ORC4: variants seen among roughly 807,000 people sequenced by gnomAD.
The protein encoded by ORC4 is origin recognition complex, subunit 4 homolog.
ORC4 carries 55 observed loss-of-function variants against 63.9 expected under a neutral mutation model. The ratio of observed to expected loss-of-function variants is 0.86; its 90% CI spans 0.69 to 1.08. The LOEUF (loss-of-function observed/expected upper bound fraction) is 1.08. Ranked by LOEUF, ORC4 falls within the 50% of genes least tolerant of loss-of-function variation. ORC4 has a pLI of 0.00. For synonymous variants in ORC4, 150 were observed against 168.5 expected (o/e 0.89, Z 0.85); for missense variants, 511 against 504.4 (o/e 1.01, Z -0.13).
intron 1 of ORC4, among the ~76,000 whole-genome samples, chr2:147,976,560 T>C (rs1317739649): frequency 6.6e-6 from 1 of 152,086 alleles, no homozygotes; most frequent in Non-Finnish European, 1.5e-5. Context: ...TCACCTTCCC[T>C]TTCTTCCTTT....
rs200141046 is a variant in ORC4 at position 147,935,712 on chromosome 2, G to T, written c.1123-14C>A. On this transcript the variant is annotated splice_polypyrimidine_tract_variant and intron_variant, in intron 13 of 13. Transcript: ENST00000392857. ...GTGTTCAAAAGCCTGAAAGATGAAA[G>T]AAATAGTTTAGGTTGAATAGGAGAG... is the stretch of plus-strand genomic sequence containing the variant. 818 of 1,607,474 alleles carry T rather than the reference G, an allele frequency of 5.1e-4. 4 individuals are homozygous for T. In the African/African-American group the frequency reaches 9.1e-3, roughly 18 times the overall value.
intron 1 of ORC4, among the ~76,000 whole-genome samples, chr2:147,986,974 C>T (rs972876750): frequency 1.3e-5 from 2 of 151,998 alleles, no homozygotes; most frequent in Non-Finnish European, 2.9e-5. Flanking sequence ...TAATTTCATT[C>T]TTCAGAGTAG....
intron 11 of ORC4, 24 bp from the exon 12 acceptor site, chr2:147,938,417 T>A (rs373470815): frequency 3.8e-6 from 5 of 1,311,258 alleles, no homozygotes; most frequent in Non-Finnish European, 5.5e-6. Context: ...GAAAAAAAAC[T>A]ATCAGTTTAA....
intron 1 of ORC4, among the ~76,000 whole-genome samples, chr2:147,990,386 CT>C (rs1168733463): frequency 6.6e-6 from 1 of 152,250 alleles, no homozygotes; most frequent in Non-Finnish European, 1.5e-5. Context: ...AGTTTTCATT[CT>C]TTTTTCTCCC....
intron 4 of ORC4, among the ~76,000 whole-genome samples, chr2:147,966,510 G>A (rs948247154): frequency 1.3e-5 from 2 of 151,750 alleles, no homozygotes; most frequent in African/African-American, 2.4e-5. Context: ...AATGAGAAAA[G>A]AAAAAGGAGA....
intron 1 of ORC4, among the ~76,000 whole-genome samples, chr2:147,978,512 G>T (rs1436861891): frequency 2.0e-5 from 3 of 152,162 alleles, no homozygotes; most frequent in Admixed American, 2.0e-4. Context: ...CAGGGATTCA[G>T]ACAGTTTTGT....
chr2:147,975,140 T>C (rs548624703), intron 2 of ORC4, among the ~76,000 whole-genome samples: 9 of 152,230 alleles, frequency 5.9e-5, no homozygotes, highest in Non-Finnish European at 7.4e-5. Context: ...AAAAACTACA[T>C]GGAGTTCAGG....
intron 1 of ORC4, among the ~76,000 whole-genome samples, chr2:148,009,153 A>G (rs564124035): frequency 6.6e-6 from 1 of 151,892 alleles, no homozygotes; most frequent in Non-Finnish European, 1.5e-5. Context: ...CAAAACAAAA[A>G]CCTCTAATAG....
At chr2:147,973,733 T>G (rs1690362230) in intron 2 of ORC4, among the ~76,000 whole-genome samples, 1 of 152,068 alleles carries the variant, frequency 6.6e-6, no homozygotes, top group Admixed American at 6.6e-5. Flanking sequence ...ATAGGAAGAA[T>G]GAGAATTTAG....
At chr2:147,973,166 G>T (rs1332678892) in intron 3 of ORC4, among the ~76,000 whole-genome samples, 2 of 152,066 alleles carry the variant, frequency 1.3e-5, no homozygotes, top group Non-Finnish European at 2.9e-5. Flanking sequence ...CTCCATAGCT[G>T]GCTGCTGGGT....
chr2:147,967,494 C>T (rs1689960249), intron 4 of ORC4, among the ~76,000 whole-genome samples: 1 of 151,018 alleles, frequency 6.6e-6, no homozygotes, highest in Admixed American at 6.6e-5. Context: ...TATATACTAA[C>T]AACAAACTAC....
chr2:147,987,543 T>C (rs1211837053), intron 1 of ORC4, among the ~76,000 whole-genome samples: 1 of 151,914 alleles, frequency 6.6e-6, no homozygotes, highest in Non-Finnish European at 1.5e-5. Context: ...AGTACTCTAG[T>C]ATTATGAGCA....
chr2:148,008,588 A>G lies in ORC4; in HGVS notation c.-18+12045T>C, dbSNP rs1195217419. The stretch of plus-strand genomic sequence containing the variant: ...CTGACTCATTCTGATCATCTGCTCC[A>G]CCCAACATTCCAATCACCTGCTCCA... On this transcript the variant is annotated intron_variant, in intron 1 of 13. Coordinates refer to ENST00000392857, the MANE Select transcript of ORC4 (RefSeq NM_181741.4). 2.0e-5 allele frequency among the ~76,000 whole-genome samples: 3 copies of G among 152,086 alleles called. No individual in the cohort carries two copies. In the East Asian group the frequency reaches 5.8e-4, roughly 29 times the overall value.
chr2:147,998,360 G>C (rs1318488514), intron 1 of ORC4, among the ~76,000 whole-genome samples: 5 of 152,326 alleles, frequency 3.3e-5, no homozygotes, highest in African/African-American at 1.2e-4. Context: ...GTGAGGCCTA[G>C]AGGGAGGTGT....
At position 147,938,195 on chromosome 2, in the gene ORC4, T is replaced by A. The variant is rs1688162916; in HGVS notation, c.1073A>T (p.Gln358Leu). The change falls in exon 13 of 14, where the codon CAA (glutamine) becomes CTA (leucine). Residue 358 changes from glutamine (Q) to leucine (L), a missense_variant. By Grantham distance (113) the Gln-to-Leu change is moderately radical. Transcript: ENST00000392857. ...ATTATAAACGGAATGTGCTTTCCTT[T>A]GAACAAACTTCTGAAACTCTGAGTA... ...MVYNEFQKFV[Q>L]RKAHSVYNFE... The A allele has an allele frequency of 6.2e-7, 1 of 1,612,840 alleles. No homozygotes were observed. Among genetic ancestry groups the A allele is most frequent in the Non-Finnish European group, 8.5e-7 (1 of 1,179,126 alleles).
intron 1 of ORC4, among the ~76,000 whole-genome samples, chr2:148,010,821 A>C (rs1323862970): frequency 6.6e-6 from 1 of 151,448 alleles, no homozygotes; most frequent in South Asian, 2.1e-4. Context: ...AGGATCTCCA[A>C]ATTCATTTTA....
Position 148,000,165 on chromosome 2 carries a change from A to G in ORC4, c.-18+20468T>C, listed in dbSNP as rs74590630. On this transcript the variant is annotated intron_variant, in intron 1 of 13. Transcript: ENST00000392857. Reference sequence around the variant, plus strand: ...CAAAGGCAAGAAAATTAAAGAAAAAACATGAGGAATTTTCCCAGAGTTGAT... The same window carrying G: ...CAAAGGCAAGAAAATTAAAGAAAAAGCATGAGGAATTTTCCCAGAGTTGAT... Among the ~76,000 whole-genome samples, 1,242 of 152,208 alleles carry G rather than the reference A, an allele frequency of 8.2e-3. 9 individuals are homozygous for G. Among genetic ancestry groups the G allele is most frequent in the Middle Eastern group, 0.027 (8 of 294 alleles).
At chr2:147,944,456 T>C (rs1052272417) in intron 9 of ORC4, among the ~76,000 whole-genome samples, 1 of 151,992 alleles carries the variant, frequency 6.6e-6, no homozygotes, top group African/African-American at 2.4e-5. Flanking sequence ...TGTAAAAAGA[T>C]ATATTTGAGA....
chr2:147,961,416 AAC>A (rs778595968), intron 4 of ORC4, among the ~76,000 whole-genome samples: 2 of 151,030 alleles, frequency 1.3e-5, no homozygotes, highest in Non-Finnish European at 3.0e-5. Context: ...CAGCCTGGGC[AAC>A]AGAGTGAGAC....
Sources: gnomAD v4.1 joint callset for allele counts (sites outside exome capture counted in the v4.1 genomes callset) on GRCh38, gnomAD v4.1.1 for gene constraint, MANE v1.5 for transcripts, NCBI Gene and HGNC (gene_info 2026-07-23, HGNC 2026-07-21) for gene names.